Variants in TSC1 observed in about 807,000 individuals in gnomAD.
The protein encoded by TSC1 is TSC complex subunit 1, also known as hamartin.
Under a neutral mutation model 124.3 loss-of-function variants are expected in TSC1, and 20 were observed. That is an observed-to-expected ratio of 0.16 (90% CI 0.11 to 0.23). TSC1 has a LOEUF of 0.23. TSC1 is among the 10% of genes least tolerant of loss of function. The pLI, the probability that TSC1 is intolerant of heterozygous loss-of-function variation, is 1.00. For synonymous variants in TSC1, 493 were observed against 539.1 expected (o/e 0.91, Z 1.19); for missense variants, 1,124 against 1,448.5 (o/e 0.78, Z 3.64).
At chr9:132,933,190 C>T (rs1169092862) in intron 2 of TSC1, among the ~76,000 whole-genome samples, 4 of 152,136 alleles carry the variant, frequency 2.6e-5, no homozygotes, top group East Asian at 1.9e-4. Context: ...CTCAGCCTCC[C>T]GAGTAGCTGA....
chr9:132,921,825 C>G lies in TSC1; in HGVS notation c.657G>C (p.Val219=), dbSNP rs755910789. Residue 219 remains valine, a synonymous_variant, in exon 7 of 23, where the codon GTG becomes GTC. Coordinates refer to ENST00000298552, the MANE Select transcript of TSC1 (RefSeq NM_000368.5). The surrounding 1 kb of genome is among the most constrained non-coding windows in gnomAD (Gnocchi z 4.3). ...ACAAGCAGTTTCAATTTACCTTGAC[C>G]ACTTCTTCAAAAGTCTCCAGGTTTT... ...MKENLETFEE[V]VKPMMEHVRI... The G allele has an allele frequency of 1.9e-6, 3 of 1,614,110 alleles. No individual in the cohort carries two copies. The highest frequency in any genetic ancestry group is 4.5e-5 in the East Asian group (2 of 44,880).
At chr9:132,899,947 A>G (rs1056703161) in intron 20 of TSC1, 1 of 152,334 alleles carries the variant, frequency 6.6e-6, no homozygotes, top group Non-Finnish European at 1.5e-5. Flanking sequence ...CACACCTAAC[A>G]TCCTTCTAAA....
In TSC1 at chr9:132,895,955, A is replaced by G. The variant is rs2131582192; in HGVS notation, c.*280T>C. On this transcript the variant is annotated 3_prime_UTR_variant, in exon 23 of 23. Transcript: ENST00000298552. The stretch of plus-strand genomic sequence containing the variant: ...CAACCATTTGGGGGGGAAAGGAAGA[A>G]AGTAAAGCTACTGAGGAACACCAAC... The G allele has an allele frequency of 2.0e-6, 1 of 511,352 alleles. No homozygotes were observed. Among genetic ancestry groups the G allele is most frequent in the Admixed American group, 3.3e-5 (1 of 30,332 alleles). 31.7% of individuals were successfully genotyped at this position (511,352 alleles called of 1,614,324 possible).
chr9:132,912,078 G>A (rs1845995176), intron 9 of TSC1, among the ~76,000 whole-genome samples: 1 of 152,066 alleles, frequency 6.6e-6, no homozygotes, highest in African/African-American at 2.4e-5. Context: ...CATACAATCA[G>A]GTAGCAGACC....
At chr9:132,925,521 G>C (rs968849552) in intron 5 of TSC1, 66 bp downstream of exon 5, 1 of 1,599,704 alleles carries the variant, frequency 6.3e-7, no homozygotes, top group Non-Finnish European at 8.6e-7. Flanking sequence ...CTTGCTTTAA[G>C]TTGCCTAAAA....
At chr9:132,925,480 T>A in intron 5 of TSC1, 107 bp downstream of exon 5, 1 of 1,433,292 alleles carries the variant, frequency 7.0e-7, no homozygotes, top group Non-Finnish European at 9.7e-7. Context: ...GCCTAGAAGG[T>A]TTTAAACTCT....
chr9:132,904,430 G>C lies in TSC1; in HGVS notation c.2022C>G (p.Val674=), dbSNP rs118203618. The part of the protein sequence containing the change: ...LNKLPLPSKS[V]DWTHFGGSPP... ...CTTTACCTCCAAAGTGGGTCCAGTC[G>C]ACAGACTTGCTGGGTAAAGGCAACC... Residue 674 remains valine (V), a synonymous_variant, in exon 16 of 23, where the codon GTC becomes GTG. Transcript: ENST00000298552. 1.4e-5 allele frequency: 23 copies of C among 1,613,990 alleles called. No individual in the cohort carries two copies. Among genetic ancestry groups the C allele is most frequent in the Admixed American group, 3.3e-5 (2 of 60,008 alleles).
chr9:132,917,070 C>A (rs892424378), intron 8 of TSC1, among the ~76,000 whole-genome samples: 1 of 152,150 alleles, frequency 6.6e-6, no homozygotes, highest in Non-Finnish European at 1.5e-5. Flanking sequence ...ACCTTTTTCT[C>A]TCAATTTTGA....
chr9:132,939,479 T>G (rs943997021), intron 1 of TSC1, among the ~76,000 whole-genome samples: 3 of 152,230 alleles, frequency 2.0e-5, no homozygotes, highest in African/African-American at 7.2e-5. Flanking sequence ...GGGGCCTTGA[T>G]GGATGGTTTG....
rs145741748 is a variant in TSC1 at position 132,905,642 on chromosome 9, T to C, written c.1936A>G (p.Met646Val). ...TGTATCAGTCTGTCCAGCACTTCCA[T>C]TGGGGAGGTAGAGGGCACACCATCT... ...EEDGVPSTSP[M>V]EVLDRLIQQG... is the part of the protein sequence containing the mutation. Residue 646 changes from methionine (M) to valine (V), a missense_variant, in exon 15 of 23, where the codon ATG becomes GTG. Met to Val is a conservative substitution (Grantham distance 21, BLOSUM62 1). Transcript: ENST00000298552. The C allele has an allele frequency of 1.5e-4, 247 of 1,614,168 alleles. 1 individual carries two copies. The highest frequency in any genetic ancestry group is 1.1e-3 in the South Asian group (103 of 91,084).
At chr9:132,922,386 A>G (rs1297744362) in intron 6 of TSC1, among the ~76,000 whole-genome samples, 2 of 152,084 alleles carry the variant, frequency 1.3e-5, no homozygotes, top group African/African-American at 4.8e-5. Flanking sequence ...AAACTGTCTT[A>G]CTTATTTCTC....
At position 132,923,685 on chromosome 9, in the gene TSC1, A is replaced by T. The variant is rs1460744788; in HGVS notation, c.364-193T>A. The T allele has an allele frequency of 1.3e-6, 1 of 746,990 alleles. No individual in the cohort carries two copies. The highest frequency in any genetic ancestry group is 2.2e-6 in the Non-Finnish European group (1 of 454,196). 46.3% of individuals were successfully genotyped at this position (746,990 alleles called of 1,614,324 possible). ...CAGACTCAACAGAACACTGAGCCCC[A>T]ACTCTACTGTAATGAGTCAGTGAGG... On this transcript the variant is annotated intron_variant, in intron 5 of 22. Transcript: ENST00000298552. The surrounding 1 kb of genome is among the most constrained non-coding windows in gnomAD (Gnocchi z 4.2).
At chr9:132,925,469 T>C (rs1010663676) in intron 5 of TSC1, 118 bp downstream of exon 5, 3 of 1,275,592 alleles carry the variant, frequency 2.4e-6, no homozygotes, top group African/African-American at 3.0e-5. Context: ...AAAAGCCAAA[T>C]GCCTAGAAGG....
At chr9:132,943,937 T>C (rs1409483708) in intron 1 of TSC1, 2 of 152,196 alleles carry the variant, frequency 1.3e-5, no homozygotes, top group Non-Finnish European at 2.9e-5. Flanking sequence ...AGCTGTCTCT[T>C]AGGAATCCCC....
Position 132,904,430 on chromosome 9 carries a change from G to T in TSC1, c.2022C>A (p.Val674=), listed in dbSNP as rs118203618. Reference sequence around the variant, plus strand: ...CTTTACCTCCAAAGTGGGTCCAGTCGACAGACTTGCTGGGTAAAGGCAACC... The same window carrying T: ...CTTTACCTCCAAAGTGGGTCCAGTCTACAGACTTGCTGGGTAAAGGCAACC... ...LNKLPLPSKS[V]DWTHFGGSPP... The change falls in exon 16 of 23, where the codon GTC becomes GTA. Residue 674 remains valine (V), a synonymous_variant. Coordinates refer to ENST00000298552, the MANE Select transcript of TSC1 (RefSeq NM_000368.5). The T allele has an allele frequency of 6.2e-7, 1 of 1,613,990 alleles. No individual in the cohort carries two copies. The highest frequency in any genetic ancestry group is 1.1e-5 in the South Asian group (1 of 91,046).
intron 22 of TSC1, 110 bp downstream of exon 22, chr9:132,897,074 G>A: frequency 6.5e-7 from 1 of 1,543,884 alleles, no homozygotes. Flanking sequence ...TGAGCTGAGT[G>A]TTGCAGCCTG....
chr9:132,911,471 C>T lies in TSC1; in HGVS notation c.1011G>A (p.Leu337=), dbSNP rs2131974409. The T allele has an allele frequency of 6.2e-7, 1 of 1,613,256 alleles. No individual in the cohort carries two copies. The highest frequency in any genetic ancestry group is 1.1e-5 in the South Asian group (1 of 91,056). Residue 337 remains leucine, a synonymous_variant, in exon 10 of 23, where the codon CTG becomes CTA. Coordinates refer to ENST00000298552, the MANE Select transcript of TSC1 (RefSeq NM_000368.5). ...PQTLSSPSTR[L]ITEPPQATLW... ...ACCATACTTGTGGTGGTTCAGTTATCAGCCGTGTCGATGGGGAACTCAGAG... is the reference window on the plus strand; with the variant it reads ...ACCATACTTGTGGTGGTTCAGTTATTAGCCGTGTCGATGGGGAACTCAGAG...
At chr9:132,919,793 G>A (rs2132110353) in intron 8 of TSC1, among the ~76,000 whole-genome samples, 1 of 152,298 alleles carries the variant, frequency 6.6e-6, no homozygotes, top group East Asian at 1.9e-4. Context: ...CAGCTGCCAA[G>A]AGACAGGCAT....
At chr9:132,937,376 G>A (rs1243629105) in intron 1 of TSC1, among the ~76,000 whole-genome samples, 1 of 152,210 alleles carries the variant, frequency 6.6e-6, no homozygotes, top group African/African-American at 2.4e-5. Flanking sequence ...CCAGGAGGTG[G>A]AGGTTGCAAT....
Sources: gnomAD v4.1 joint callset for allele counts (sites outside exome capture counted in the v4.1 genomes callset) on GRCh38, gnomAD v4.1.1 for gene constraint, Gnocchi (gnomAD v3.1) non-coding constraint, MANE v1.5 for transcripts, NCBI Gene and HGNC (gene_info 2026-07-23, HGNC 2026-07-21) for gene names.